The following EYS variants were observed in gnomAD, a reference collection of about 807,000 sequenced individuals.
EYS encodes the protein protein eyes shut homolog.
EYS carries 250 observed loss-of-function variants against 282.1 expected under a neutral mutation model. That is an observed-to-expected ratio of 0.89 (90% CI 0.80 to 0.98). EYS has a LOEUF of 0.98. Ranked by LOEUF, EYS falls within the 50% of genes least tolerant of loss-of-function variation. EYS has a pLI of 0.00. For synonymous variants in EYS, 1,355 were observed against 1,282.9 expected, an observed-to-expected ratio of 1.06 and a Z score of -1.20; for missense variants, 4,016 against 3,709.0, an observed-to-expected ratio of 1.08 and a Z score of -2.15.
At chr6:64,770,704 A>T (rs966976769) in intron 22 of EYS, among the ~76,000 whole-genome samples, 1 of 152,054 alleles carries the variant, frequency 6.6e-6, no homozygotes, top group East Asian at 1.9e-4. Flanking sequence ...AAAATGCATC[A>T]TATTTCTAGG....
intron 1 of EYS, among the ~76,000 whole-genome samples, chr6:65,664,682 G>A (rs1382655012): frequency 6.6e-6 from 1 of 151,994 alleles, no homozygotes; most frequent in Non-Finnish European, 1.5e-5. Context: ...TTCACCTTAG[G>A]GAAGTTATTC....
chr6:63,982,687 G>A (rs948118053), intron 35 of EYS, among the ~76,000 whole-genome samples: 1 of 151,654 alleles, frequency 6.6e-6, no homozygotes, highest in African/African-American at 2.4e-5. Flanking sequence ...ATAGTCTGTT[G>A]GTTAAAAGCA....
intron 22 of EYS, among the ~76,000 whole-genome samples, chr6:64,687,317 G>A (rs1364894550): frequency 1.3e-5 from 2 of 152,044 alleles, no homozygotes; most frequent in Non-Finnish European, 2.9e-5. Context: ...CAAGTAATAT[G>A]TTACAAAAAT....
At position 65,604,903 on chromosome 6, in the gene EYS, G is replaced by C. The variant is rs1472235085; in HGVS notation, c.-333+34875C>G. ...CTGTCACATAGGCTGGAGTGCAGTG[G>C]CACAATCATGACTCACTGCAGCCTC... On this transcript the variant is annotated intron_variant, in intron 2 of 42. Coordinates refer to ENST00000503581, the MANE Select transcript of EYS (RefSeq NM_001142800.2). Among the ~76,000 whole-genome samples the C allele has an allele frequency of 2.7e-5, 4 of 148,554 alleles. No homozygotes were observed. In the East Asian group the frequency reaches 6.0e-4, roughly 22 times the overall value.
At chr6:64,952,421 G>A (rs995063746) in intron 14 of EYS, among the ~76,000 whole-genome samples, 4 of 152,008 alleles carry the variant, frequency 2.6e-5, no homozygotes, top group African/African-American at 9.7e-5. Flanking sequence ...GGTATAAGAA[G>A]TACAGCACTG....
chr6:65,374,479 G>A (rs1015335784), intron 8 of EYS, among the ~76,000 whole-genome samples: 1 of 150,790 alleles, frequency 6.6e-6, no homozygotes, highest in Non-Finnish European at 1.5e-5. Context: ...GGCTGTTGGG[G>A]CAGACACTGA....
intron 30 of EYS, among the ~76,000 whole-genome samples, chr6:64,266,871 G>A (rs9353679): frequency 0.68 from 103,313 of 152,004 alleles, 35,126 homozygotes; most frequent in South Asian, 0.71. Context: ...AAAGAAGTTA[G>A]AAGGGTTAGA....
chr6:65,062,422 T>A (rs953029962), intron 12 of EYS, among the ~76,000 whole-genome samples: 1 of 151,934 alleles, frequency 6.6e-6, no homozygotes, highest in Non-Finnish European at 1.5e-5. Context: ...AGTATCCCCA[T>A]CCCCAATGAG....
chr6:64,992,936 T>C (rs1771117075), intron 14 of EYS, among the ~76,000 whole-genome samples: 1 of 152,030 alleles, frequency 6.6e-6, no homozygotes. Flanking sequence ...ACCTGACCAC[T>C]GATTAGCTAA....
intron 19 of EYS, 25 bp from the exon 20 acceptor site, chr6:64,822,847 A>G: frequency 6.5e-7 from 1 of 1,527,950 alleles, no homozygotes; most frequent in Non-Finnish European, 8.8e-7. Flanking sequence ...ACAAGGCAAA[A>G]CATGAAACCA....
chr6:63,983,226 G>A (rs1329623342), intron 35 of EYS, among the ~76,000 whole-genome samples: 1 of 151,712 alleles, frequency 6.6e-6, no homozygotes, highest in East Asian at 1.9e-4. Flanking sequence ...GTATAAATGT[G>A]TATAAATTCA....
intron 29 of EYS, among the ~76,000 whole-genome samples, chr6:64,312,608 G>C (rs1769763641): frequency 6.6e-6 from 1 of 152,190 alleles, no homozygotes; most frequent in African/African-American, 2.4e-5. Context: ...AGTAGGGGCT[G>C]ACAGGCATCT....
intron 35 of EYS, among the ~76,000 whole-genome samples, chr6:63,909,449 A>G (rs1455476566): frequency 1.3e-5 from 2 of 152,232 alleles, no homozygotes; most frequent in Admixed American, 6.5e-5. Flanking sequence ...TGGCTAATAC[A>G]TTCATCAGGA....
rs75552294 is a variant in EYS, at chr6:65,128,369, A to G, written c.2024-70642T>C. On this transcript the variant is annotated intron_variant, in intron 12 of 42. Coordinates refer to ENST00000503581, the MANE Select transcript of EYS (RefSeq NM_001142800.2). ...GAAGTTAATAAAAGGCATCACAATA[A>G]GAAAAGAACTTGAACTATCTTTCTT... is the stretch of plus-strand genomic sequence containing the variant. 9.2e-3 allele frequency among the ~76,000 whole-genome samples: 1,395 copies of G among 152,096 alleles called. 15 individuals carry two copies. Among genetic ancestry groups the G allele is most frequent in the African/African-American group, 0.032 (1,317 of 41,528 alleles).
At chr6:65,543,000 C>A (rs893629464) in intron 2 of EYS, among the ~76,000 whole-genome samples, 2 of 152,008 alleles carry the variant, frequency 1.3e-5, no homozygotes, top group Non-Finnish European at 2.9e-5. Context: ...AATGTGATCA[C>A]AATTCTCTGT....
At chr6:65,041,717 T>C (rs1772941601) in intron 13 of EYS, among the ~76,000 whole-genome samples, 1 of 151,702 alleles carries the variant, frequency 6.6e-6, no homozygotes, top group Non-Finnish European at 1.5e-5. Context: ...CATTTTGTCC[T>C]GAAATCTTAG....
intron 12 of EYS, among the ~76,000 whole-genome samples, chr6:65,231,114 T>TTTATATATATATACTTTTATATATATGTA (rs1244082788): frequency 1.9e-5 from 2 of 107,140 alleles, no homozygotes; most frequent in Non-Finnish European, 4.0e-5. Flanking sequence ...TATATATGTA[T>TTTATATATATATACTTTTATATATATGTA]TTATATATAT....
intron 31 of EYS, among the ~76,000 whole-genome samples, chr6:64,120,357 TAAAAAAAAAAAA>T (rs34632243): frequency 2.3e-3 from 173 of 76,766 alleles, no homozygotes; most frequent in Non-Finnish European, 3.4e-3. Context: ...CTCCATCTCT[TAAAAAAAAAAAA>T]AAAAAAAAAA....
chr6:65,360,712 A>G (rs1764669062), intron 8 of EYS, among the ~76,000 whole-genome samples: 1 of 152,036 alleles, frequency 6.6e-6, no homozygotes. Flanking sequence ...CTAAAAAGAG[A>G]CAAAAAGTTT....
Sources: allele counts gnomAD v4.1 joint callset (sites outside exome capture counted in the v4.1 genomes callset), GRCh38; gene constraint gnomAD v4.1.1; transcripts MANE v1.5; gene names NCBI Gene and HGNC (gene_info 2026-07-23, HGNC 2026-07-21).